Variants in PRDM16 observed in about 807,000 individuals in gnomAD.
The protein encoded by PRDM16 is histone-lysine N-methyltransferase PRDM16.
Under a neutral mutation model 110.6 loss-of-function variants are expected in PRDM16, and 23 were observed. The observed-to-expected ratio is 0.21, with a 90% CI of 0.15 to 0.29. The LOEUF (loss-of-function observed/expected upper bound fraction) is 0.29. Among genes scored for constraint, PRDM16 ranks in the 10% least tolerant of loss-of-function variants. The pLI, the probability that PRDM16 is intolerant of heterozygous loss-of-function variation, is 1.00. For synonymous variants in PRDM16, 799 were observed against 781.8 expected, an observed-to-expected ratio of 1.02 and a Z score of -0.37; for missense variants, 1,615 against 1,794.3, an observed-to-expected ratio of 0.90 and a Z score of 1.81.
intron 4 of PRDM16, among the ~76,000 whole-genome samples, chr1:3,395,943 T>C: frequency 6.6e-6 from 1 of 152,212 alleles, no homozygotes; most frequent in Admixed American, 6.5e-5. Flanking sequence ...AAGCTGACAG[T>C]GGGCACACAG....
At chr1:3,372,083 G>A (rs1642917429) in intron 3 of PRDM16, among the ~76,000 whole-genome samples, 1 of 152,220 alleles carries the variant, frequency 6.6e-6, no homozygotes, top group South Asian at 2.1e-4. Context: ...GCACATTTGA[G>A]AGGGCCTGAG....
rs1242945801 is a variant in PRDM16 at position 3,430,854 on chromosome 1, C to A, written c.3285-18C>A. ...AGAGACACCCAAACTCAGTCAATCTCCTCCTGCATCATTTCAGGGCGGACA... is the reference window on the plus strand; with the variant it reads ...AGAGACACCCAAACTCAGTCAATCTACTCCTGCATCATTTCAGGGCGGACA... On this transcript the variant is annotated intron_variant, in intron 14 of 16. Transcript: ENST00000270722. 2 of 1,613,176 alleles carry A rather than the reference C, an allele frequency of 1.2e-6. No individual in the cohort carries two copies. The highest frequency in any genetic ancestry group is 2.2e-5 in the East Asian group (1 of 44,850).
At chr1:3,145,285 G>C (rs1013688866) in intron 1 of PRDM16, among the ~76,000 whole-genome samples, 1 of 152,208 alleles carries the variant, frequency 6.6e-6, no homozygotes, top group African/African-American at 2.4e-5. Flanking sequence ...CAAAGCACCT[G>C]TCAGCCCGTA....
At chr1:3,247,564 C>T (rs1353399441) in intron 3 of PRDM16, among the ~76,000 whole-genome samples, 1 of 152,232 alleles carries the variant, frequency 6.6e-6, no homozygotes, top group East Asian at 1.9e-4. Context: ...GGACGGTCCT[C>T]CTCCGTCCTT....
At chr1:3,361,752 G>C (rs1203986343) in intron 3 of PRDM16, among the ~76,000 whole-genome samples, 1 of 152,196 alleles carries the variant, frequency 6.6e-6, no homozygotes, top group East Asian at 1.9e-4. Flanking sequence ...AGGGCAGGTG[G>C]TGAGAAGTGA....
At chr1:3,188,778 T>C (rs1248518748) in intron 2 of PRDM16, among the ~76,000 whole-genome samples, 3 of 152,022 alleles carry the variant, frequency 2.0e-5, no homozygotes, top group Non-Finnish European at 4.4e-5. Flanking sequence ...CTTCGGGAGC[T>C]GACATTGGAA....
chr1:3,299,020 T>C (rs1294283344), intron 3 of PRDM16, among the ~76,000 whole-genome samples: 3 of 152,226 alleles, frequency 2.0e-5, no homozygotes, highest in Non-Finnish European at 4.4e-5. Flanking sequence ...TGGAATTTTG[T>C]CCTCGGACCA....
intron 3 of PRDM16, among the ~76,000 whole-genome samples, chr1:3,285,908 G>A (rs1640833941): frequency 6.6e-6 from 1 of 152,236 alleles, no homozygotes; most frequent in Non-Finnish European, 1.5e-5. Flanking sequence ...CAAAGATCCA[G>A]GCTCCGCTGA....
chr1:3,114,229 A>G (rs1425034215), intron 1 of PRDM16, among the ~76,000 whole-genome samples: 3 of 139,976 alleles, frequency 2.1e-5, no homozygotes, highest in African/African-American at 5.5e-5. Flanking sequence ...ACACACACGC[A>G]CACACGCAGT....
At chr1:3,129,314 G>A (rs1023018223) in intron 1 of PRDM16, among the ~76,000 whole-genome samples, 2 of 64,354 alleles carry the variant, frequency 3.1e-5, no homozygotes, top group African/African-American at 1.4e-4. Context: ...GTCCTGCCTG[G>A]TGTGTGTGTG....
chr1:3,185,039 C>T (rs1644252197), intron 1 of PRDM16, among the ~76,000 whole-genome samples: 1 of 152,198 alleles, frequency 6.6e-6, no homozygotes. Context: ...CGCAGACGGA[C>T]ATTTGGGCTG....
chr1:3,425,568 G>T lies in PRDM16; in HGVS notation c.2940-13G>T. On this transcript the variant is annotated splice_polypyrimidine_tract_variant and intron_variant, in intron 12 of 16. Coordinates refer to ENST00000270722, the MANE Select transcript of PRDM16 (RefSeq NM_022114.4). This position sits in a 1 kb window ranked among gnomAD's most constrained non-coding sequence, Gnocchi z 6.9. ...CCGGGGCCTGCACTGAGGAGCGCGT[G>T]TGCCCCTTCCAGGTGTAAGTACTGC... 6.2e-7 allele frequency: 1 copy of T among 1,613,196 alleles called. No homozygotes were observed. Among genetic ancestry groups the T allele is most frequent in the Non-Finnish European group, 8.5e-7 (1 of 1,179,652 alleles).
At chr1:3,096,876 C>T (rs781120999) in intron 1 of PRDM16, among the ~76,000 whole-genome samples, 4 of 152,178 alleles carry the variant, frequency 2.6e-5, no homozygotes, top group South Asian at 2.1e-4. Flanking sequence ...GAGACAGCTC[C>T]GTGGTTTCTA....
chr1:3,234,606 C>T (rs1488334910), intron 2 of PRDM16, among the ~76,000 whole-genome samples: 2 of 152,212 alleles, frequency 1.3e-5, no homozygotes, highest in Middle Eastern at 3.2e-3. Flanking sequence ...GCACAGGGCC[C>T]CCGCAGGCTG....
chr1:3,355,687 C>T (rs549649055), intron 3 of PRDM16, among the ~76,000 whole-genome samples: 1 of 152,328 alleles, frequency 6.6e-6, no homozygotes, highest in Admixed American at 6.5e-5. Context: ...CTCAGCACCT[C>T]TCAGACCACA....
At chr1:3,401,550 G>A (rs1643467769) in intron 5 of PRDM16, among the ~76,000 whole-genome samples, 1 of 136,792 alleles carries the variant, frequency 7.3e-6, no homozygotes, top group East Asian at 1.9e-4. Flanking sequence ...ACAAGCATGT[G>A]TACACATATT....
At chr1:3,270,480 G>GGA in intron 3 of PRDM16, among the ~76,000 whole-genome samples, 1 of 150,394 alleles carries the variant, frequency 6.6e-6, no homozygotes, top group African/African-American at 2.5e-5. Context: ...AGGACAGTCG[G>GGA]GGAGGACAGT....
At chr1:3,137,660 A>T (rs57081549) in intron 1 of PRDM16, among the ~76,000 whole-genome samples, 1,734 of 152,174 alleles carry the variant, frequency 0.011, 37 homozygotes, top group African/African-American at 0.039. Context: ...TCTGCGGCAA[A>T]CCCCATCCCA....
intron 2 of PRDM16, among the ~76,000 whole-genome samples, chr1:3,238,563 G>A (rs1359395574): frequency 6.6e-6 from 1 of 152,206 alleles, no homozygotes. Flanking sequence ...AGAGCGCAAG[G>A]GTTTGTGTCA....
Sources: allele counts gnomAD v4.1 joint callset (sites outside exome capture counted in the v4.1 genomes callset), GRCh38; gene constraint gnomAD v4.1.1; non-coding constraint Gnocchi (gnomAD v3.1); transcripts MANE v1.5; gene names NCBI Gene and HGNC (gene_info 2026-07-23, HGNC 2026-07-21).